ITGB1: variants seen among roughly 807,000 people sequenced by gnomAD.
The protein encoded by ITGB1 is integrin subunit beta 1, also known as integrin beta-1.
In ITGB1, 24 loss-of-function variants were observed where a neutral mutation model predicts 86.5. The ratio of observed to expected loss-of-function variants is 0.28; its 90% CI spans 0.20 to 0.39. The LOEUF is 0.39. Among genes scored for constraint, ITGB1 ranks in the 10% least tolerant of loss-of-function variants. ITGB1 has a pLI of 1.00. For missense variants in ITGB1, 556 were observed against 946.9 expected (o/e 0.59, Z 5.42); for synonymous variants, 323 against 316.8 (o/e 1.02, Z -0.21).
At chr10:32,915,101 T>C (rs1039381082) in intron 11 of ITGB1, among the ~76,000 whole-genome samples, 12 of 152,202 alleles carry the variant, frequency 7.9e-5, no homozygotes, top group African/African-American at 2.4e-4. Context: ...GAAATAAAGA[T>C]GTTCTTTGAA....
chr10:32,908,510 A>G lies in ITGB1; in HGVS notation c.2189T>C (p.Ile730Thr). 1.2e-6 allele frequency: 2 copies of G among 1,613,906 alleles called. No homozygotes were observed. The highest frequency in any genetic ancestry group is 1.7e-6 in the Non-Finnish European group (2 of 1,179,870). ...NPECPTGPDIIPIVAGVVAGI... is the reference protein window; with the variant it reads ...NPECPTGPDITPIVAGVVAGI... ...AGCAACCACACCAGCTACAATTGGA[A>G]TGATGTCTGGACCAGTGGGACACTC... Residue 730 changes from isoleucine (I) to threonine (T), a missense_variant, in exon 15 of 16, where the codon ATT (isoleucine) becomes ACT (threonine). Coordinates refer to ENST00000302278, the MANE Select transcript of ITGB1 (RefSeq NM_002211.4).
At chr10:32,925,317 G>A (rs574168522) in intron 6 of ITGB1, among the ~76,000 whole-genome samples, 51 of 152,242 alleles carry the variant, frequency 3.3e-4, no homozygotes, top group African/African-American at 1.1e-3. Context: ...TACAAATATT[G>A]TATCACTTCT....
chr10:32,907,495 T>C (rs1419250136), intron 15 of ITGB1, among the ~76,000 whole-genome samples: 1 of 152,174 alleles, frequency 6.6e-6, no homozygotes, highest in Non-Finnish European at 1.5e-5. Flanking sequence ...AGCCAAAGTT[T>C]ACTGAGATAT....
intron 1 of ITGB1, among the ~76,000 whole-genome samples, chr10:32,947,524 T>A (rs2095034208): frequency 6.6e-6 from 1 of 151,206 alleles, no homozygotes; most frequent in Admixed American, 6.6e-5. Flanking sequence ...TTAAAAGGTT[T>A]CCTGTTTGGG....
In ITGB1 at chr10:32,901,399, A is replaced by G. The variant is rs191301347; in HGVS notation, c.*171T>C. On this transcript the variant is annotated 3_prime_UTR_variant, in exon 16 of 16. Transcript: ENST00000302278. ...AGTCTTTTGTCAGTCCCTGGCATGA[A>G]TTACAACATTATTTTCAAAATAATA... The G allele has an allele frequency of 2.6e-3, 1,334 of 512,186 alleles. 14 individuals carry two copies. Among genetic ancestry groups the G allele is most frequent in the African/African-American group, 0.024 (1,218 of 50,124 alleles). The allele number at this position is 512,186 out of a possible 1,614,324, so 31.7% of individuals were successfully genotyped here.
chr10:32,912,867 A>C lies in ITGB1; in HGVS notation c.1470-743T>G, dbSNP rs184597147. Among the ~76,000 whole-genome samples, 7 of 152,314 alleles carry C rather than the reference A, an allele frequency of 4.6e-5. No homozygotes were observed. The East Asian group carries it at 1.4e-3, about 29-fold the overall frequency. On this transcript the variant is annotated intron_variant, in intron 11 of 15. Transcript: ENST00000302278. The stretch of plus-strand genomic sequence containing the variant: ...TGAGAATGGACAGACTGCCTCCTCA[A>C]GTGGGTCCCTGAGCCCGAGTAGCCT...
intron 1 of ITGB1, among the ~76,000 whole-genome samples, chr10:32,956,039 A>G (rs1446114626): frequency 1.3e-5 from 2 of 152,212 alleles, no homozygotes; most frequent in Non-Finnish European, 2.9e-5. Context: ...TAGCATTCTA[A>G]TAACATCTTC....
chr10:32,921,854 T>A (rs903228392), intron 9 of ITGB1, among the ~76,000 whole-genome samples: 1 of 151,664 alleles, frequency 6.6e-6, no homozygotes, highest in Non-Finnish European at 1.5e-5. Context: ...AAGAGAAGAA[T>A]TGGCAAAAAA....
intron 1 of ITGB1, among the ~76,000 whole-genome samples, chr10:32,954,454 C>T (rs2095048577): frequency 6.6e-6 from 1 of 152,154 alleles, no homozygotes; most frequent in South Asian, 2.1e-4. Context: ...TTTCTGACCA[C>T]TCACCTTTAT....
intron 1 of ITGB1, chr10:32,935,843 GCGC>G (rs1419707909): frequency 7.8e-6 from 2 of 255,126 alleles, no homozygotes; most frequent in African/African-American, 4.5e-5. Flanking sequence ...TTAATTAACA[GCGC>G]TCAAAAAAAA....
intron 14 of ITGB1, 86 bp from the exon 15 acceptor site, chr10:32,908,620 G>A (rs950118036): frequency 9.9e-6 from 11 of 1,114,498 alleles, no homozygotes; most frequent in Non-Finnish European, 1.4e-5. Context: ...ACCCAAGAGA[G>A]TGAACGCACA....
chr10:32,949,717 A>G (rs1022818423), intron 1 of ITGB1, among the ~76,000 whole-genome samples: 2 of 152,204 alleles, frequency 1.3e-5, no homozygotes, highest in African/African-American at 2.4e-5. Flanking sequence ...AAAATAGTGC[A>G]TAATTGTTTT....
At chr10:32,927,087 A>G (rs1196925159) in intron 5 of ITGB1, among the ~76,000 whole-genome samples, 1 of 152,244 alleles carries the variant, frequency 6.6e-6, no homozygotes, top group Non-Finnish European at 1.5e-5. Flanking sequence ...AAATGAATAA[A>G]CAAATATTCT....
intron 11 of ITGB1, among the ~76,000 whole-genome samples, chr10:32,914,885 C>A (rs530594117): frequency 4.5e-4 from 69 of 152,284 alleles, no homozygotes; most frequent in African/African-American, 1.7e-3. Context: ...CCACACCGCA[C>A]TTATTGCAAA....
At chr10:32,914,721 C>T (rs1331738345) in intron 11 of ITGB1, among the ~76,000 whole-genome samples, 4 of 152,088 alleles carry the variant, frequency 2.6e-5, no homozygotes, top group Non-Finnish European at 5.9e-5. Flanking sequence ...TAATGGGAGA[C>T]TTTAACACCA....
At chr10:32,938,160 G>T (rs1307054550) in intron 1 of ITGB1, among the ~76,000 whole-genome samples, 1 of 152,100 alleles carries the variant, frequency 6.6e-6, no homozygotes, top group Non-Finnish European at 1.5e-5. Flanking sequence ...ACCTTTCAAG[G>T]CCTGTCTAAA....
In ITGB1 at chr10:32,925,964, T is replaced by C. The variant is rs763675857; in HGVS notation, c.693A>G (p.Val231=). 3 of 1,614,124 alleles carry C rather than the reference T, an allele frequency of 1.9e-6. No individual in the cohort carries two copies. The highest frequency in any genetic ancestry group is 1.7e-5 in the Admixed American group (1 of 60,030). Residue 231 remains valine (V), a synonymous_variant, in exon 6 of 16, where the codon GTA becomes GTG. Transcript: ENST00000302278. ...GCTGTTTTCCAACAAGTTCATTAAA[T>C]ACTTCTCCTTTATTAGTAAGACTGA... ...NVLSLTNKGE[V]FNELVGKQRI... is the part of the protein sequence containing the mutation.
intron 14 of ITGB1, among the ~76,000 whole-genome samples, chr10:32,908,774 C>T (rs905108910): frequency 3.3e-5 from 5 of 151,994 alleles, no homozygotes; most frequent in African/African-American, 1.2e-4. Flanking sequence ...AGTTTTTAAA[C>T]AGTAATATTT....
In ITGB1 at chr10:32,925,974, T is replaced by G; in HGVS notation, c.683A>C (p.Lys228Thr). 1.2e-6 allele frequency: 2 copies of G among 1,613,980 alleles called. No individual in the cohort carries two copies. The highest frequency in any genetic ancestry group is 8.5e-7 in the Non-Finnish European group (1 of 1,179,830). Reference protein sequence around the residue: ...SYKNVLSLTNKGEVFNELVGK... With the variant: ...SYKNVLSLTNTGEVFNELVGK... ...AACAAGTTCATTAAATACTTCTCCT[T>G]TATTAGTAAGACTGAGCACATTTTT... Residue 228 changes from lysine (K) to threonine (T), a missense_variant, in exon 6 of 16, where the codon AAA becomes ACA. Physicochemically the swap from Lys to Thr is moderately conservative, Grantham distance 78. This residue lies in a region of ITGB1 where 183 missense variants were observed against 263.9 expected (regional missense o/e 0.69). Transcript: ENST00000302278.
Sources: gnomAD v4.1 joint callset for allele counts (sites outside exome capture counted in the v4.1 genomes callset) on GRCh38, gnomAD v4.1.1 for gene constraint, gnomAD v4.1.1 regional missense constraint, MANE v1.5 for transcripts, NCBI Gene and HGNC (gene_info 2026-07-23, HGNC 2026-07-21) for gene names.